The following PRDM5 variants were observed in gnomAD, a reference collection of about 807,000 sequenced individuals.
The protein encoded by PRDM5 is PR/SET domain 5.
PRDM5 carries 56 observed loss-of-function variants against 81.2 expected under a neutral mutation model. The ratio of observed to expected loss-of-function variants is 0.69; its 90% CI spans 0.56 to 0.86. The LOEUF is 0.86. PRDM5 is among the 40% of genes least tolerant of loss of function. PRDM5 has a pLI of 0.00. For synonymous variants in PRDM5, 267 were observed against 256.4 expected, an observed-to-expected ratio of 1.04 and a Z score of -0.39; for missense variants, 697 against 770.1, an observed-to-expected ratio of 0.91 and a Z score of 1.12.
chr4:120,767,094 T>G (rs1746493100), intron 13 of PRDM5, among the ~76,000 whole-genome samples: 1 of 151,962 alleles, frequency 6.6e-6, no homozygotes, highest in African/African-American at 2.4e-5. Context: ...AAGGATAAAA[T>G]CAATCATAAA....
chr4:120,763,683 A>T (rs1363850143), intron 13 of PRDM5, among the ~76,000 whole-genome samples: 1 of 152,214 alleles, frequency 6.6e-6, no homozygotes, highest in East Asian at 1.9e-4. Flanking sequence ...TGAGAAAATT[A>T]TTAATCATTT....
chr4:120,709,389 T>C (rs1294538798), intron 15 of PRDM5, among the ~76,000 whole-genome samples: 1 of 152,190 alleles, frequency 6.6e-6, no homozygotes, highest in East Asian at 1.9e-4. Context: ...AAAAGAAGTG[T>C]ACTGTTAATA....
intron 9 of PRDM5, 128 bp downstream of exon 9, chr4:120,799,533 G>A (rs1004060951): frequency 1.4e-6 from 2 of 1,389,704 alleles, no homozygotes; most frequent in African/African-American, 2.9e-5. Context: ...AGAATCACAT[G>A]ACTACTAAAG....
chr4:120,819,672 G>A (rs1755008908), intron 4 of PRDM5, among the ~76,000 whole-genome samples: 2 of 152,110 alleles, frequency 1.3e-5, no homozygotes, highest in Non-Finnish European at 2.9e-5. Flanking sequence ...AATCAGGGCA[G>A]TAATAGGTAA....
intron 13 of PRDM5, among the ~76,000 whole-genome samples, chr4:120,766,948 T>C (rs1374349866): frequency 6.6e-6 from 1 of 152,106 alleles, no homozygotes; most frequent in Non-Finnish European, 1.5e-5. Context: ...AAAAATAACA[T>C]TTTCAAGGTT....
chr4:120,773,889 G>A (rs907554097), intron 13 of PRDM5, among the ~76,000 whole-genome samples: 4 of 152,114 alleles, frequency 2.6e-5, no homozygotes, highest in African/African-American at 9.7e-5. Context: ...CAGACTTTCA[G>A]AAATGTAAAA....
intron 3 of PRDM5, among the ~76,000 whole-genome samples, chr4:120,841,038 G>A (rs997014768): frequency 6.6e-6 from 1 of 152,176 alleles, no homozygotes; most frequent in Admixed American, 6.5e-5. Context: ...CTATCTTGCT[G>A]TAATTTTGTA....
chr4:120,887,137 G>A (rs1342907365), intron 2 of PRDM5, among the ~76,000 whole-genome samples: 1 of 152,006 alleles, frequency 6.6e-6, no homozygotes, highest in Non-Finnish European at 1.5e-5. Flanking sequence ...GTGGAGACGG[G>A]GTTTCACTAT....
intron 2 of PRDM5, among the ~76,000 whole-genome samples, chr4:120,878,234 G>T (rs1762514054): frequency 1.3e-5 from 2 of 152,036 alleles, no homozygotes; most frequent in Non-Finnish European, 1.5e-5. Context: ...TGATTAAAAA[G>T]TACTCTGTAG....
chr4:120,880,778 T>G (rs937878692), intron 2 of PRDM5, among the ~76,000 whole-genome samples: 1 of 152,202 alleles, frequency 6.6e-6, no homozygotes, highest in Admixed American at 6.5e-5. Context: ...TTAATACATT[T>G]ACATCTACAT....
chr4:120,754,012 T>C (rs539249079), intron 14 of PRDM5, among the ~76,000 whole-genome samples: 1 of 151,942 alleles, frequency 6.6e-6, no homozygotes, highest in Non-Finnish European at 1.5e-5. Context: ...CCAGTGAGAG[T>C]GTTGACAGCA....
At chr4:120,814,605 CA>C (rs1394637636) in intron 7 of PRDM5, among the ~76,000 whole-genome samples, 1 of 152,054 alleles carries the variant, frequency 6.6e-6, no homozygotes, top group Non-Finnish European at 1.5e-5. Context: ...ATCACCTTAA[CA>C]AAAAAACATT....
At position 120,922,563 on chromosome 4, in the gene PRDM5, G is replaced by T. The variant is rs377348597; in HGVS notation, c.46C>A (p.Arg16=). ...TAGAGCCCCATGCCGTCCTGAACCCGGGAGGACTTCAGGGAGAACCTGTCC... is the reference window on the plus strand; with the variant it reads ...TAGAGCCCCATGCCGTCCTGAACCCTGGAGGACTTCAGGGAGAACCTGTCC... ...VPDRFSLKSS[R]VQDGMGLYTA... is the part of the protein sequence containing the mutation. The change falls in exon 1 of 16, where the codon CGG becomes AGG. Residue 16 remains arginine, a synonymous_variant. Transcript: ENST00000264808. 10 of 1,611,034 alleles carry T rather than the reference G, an allele frequency of 6.2e-6. No homozygotes were observed. The highest frequency in any genetic ancestry group is 7.6e-6 in the Non-Finnish European group (9 of 1,179,124).
At chr4:120,738,191 T>C (rs1282048003) in intron 14 of PRDM5, among the ~76,000 whole-genome samples, 1 of 152,114 alleles carries the variant, frequency 6.6e-6, no homozygotes, top group Non-Finnish European at 1.5e-5. Context: ...CACGCTTGAG[T>C]TTGCCAGACC....
Position 120,737,139 on chromosome 4 carries a change from G to T in PRDM5, c.1623+17414C>A, listed in dbSNP as rs146512205. Among the ~76,000 whole-genome samples, 689 of 152,210 alleles carry T rather than the reference G, an allele frequency of 4.5e-3. 7 individuals carry two copies. Among genetic ancestry groups the T allele is most frequent in the African/African-American group, 0.016 (667 of 41,536 alleles). On this transcript the variant is annotated intron_variant, in intron 14 of 15. Transcript: ENST00000264808. ...AACTAGGGTGAGAGTGGCTTCATCA[G>T]AGGATCACAGATCTCTGGCTTCCTT...
chr4:120,853,594 A>G (rs1759538127), intron 2 of PRDM5, 54 bp from the exon 3 acceptor site: 1 of 1,610,468 alleles, frequency 6.2e-7, no homozygotes, highest in Non-Finnish European at 8.5e-7. Context: ...ATTAGCCTTT[A>G]AACACATCAA....
At chr4:120,892,695 G>A (rs1764189296) in intron 2 of PRDM5, among the ~76,000 whole-genome samples, 1 of 151,498 alleles carries the variant, frequency 6.6e-6, no homozygotes, top group African/African-American at 2.4e-5. Context: ...AGAGGTGGAG[G>A]AGGGTGAAGT....
intron 8 of PRDM5, among the ~76,000 whole-genome samples, chr4:120,801,563 T>C (rs1185165755): frequency 6.6e-6 from 1 of 152,188 alleles, no homozygotes; most frequent in Non-Finnish European, 1.5e-5. Context: ...AATATGTCAT[T>C]CCACAAGAGT....
intron 2 of PRDM5, among the ~76,000 whole-genome samples, chr4:120,870,756 G>A (rs1761702918): frequency 6.6e-6 from 1 of 152,178 alleles, no homozygotes; most frequent in African/African-American, 2.4e-5. Flanking sequence ...TGTGACATTT[G>A]GTGGCAGTGT....
Sources: allele counts gnomAD v4.1 joint callset (sites outside exome capture counted in the v4.1 genomes callset), GRCh38; gene constraint gnomAD v4.1.1; transcripts MANE v1.5; gene names NCBI Gene and HGNC (gene_info 2026-07-23, HGNC 2026-07-21).